Variants in PHTF2 observed in about 807,000 individuals in gnomAD.
The protein encoded by PHTF2 is protein PHTF2.
Under a neutral mutation model 101.2 loss-of-function variants are expected in PHTF2, and 60 were observed. That is an observed-to-expected ratio of 0.59 (90% CI 0.48 to 0.73). PHTF2 has a LOEUF of 0.73. Among genes scored for constraint, PHTF2 ranks in the 30% least tolerant of loss-of-function variants. PHTF2 has a pLI of 0.00. For synonymous variants in PHTF2, 311 were observed against 307.3 expected (o/e 1.01, Z -0.13); for missense variants, 747 against 908.7 (o/e 0.82, Z 2.29).
chr7:77,916,574 A>C (rs941620850), intron 9 of PHTF2, among the ~76,000 whole-genome samples: 2 of 152,090 alleles, frequency 1.3e-5, no homozygotes, highest in African/African-American at 2.4e-5. Flanking sequence ...AAAACAAAAC[A>C]AAACCACAGT....
intron 1 of PHTF2, among the ~76,000 whole-genome samples, chr7:77,799,738 C>T (rs1792383472): frequency 6.6e-6 from 1 of 152,204 alleles, no homozygotes; most frequent in African/African-American, 2.4e-5. Context: ...ATCTGTCACC[C>T]TTCTTATTTT....
intron 3 of PHTF2, among the ~76,000 whole-genome samples, chr7:77,885,163 A>C (rs1454314875): frequency 6.6e-6 from 1 of 152,038 alleles, no homozygotes; most frequent in African/African-American, 2.4e-5. Context: ...GTGCAATCAT[A>C]GCTTACCGTA....
chr7:77,926,197 T>C (rs1803985718), intron 11 of PHTF2, among the ~76,000 whole-genome samples: 1 of 152,238 alleles, frequency 6.6e-6, no homozygotes, highest in South Asian at 2.1e-4. Context: ...GATTAACAAG[T>C]CTGCAACAGA....
rs560900141 is a variant in PHTF2 at position 77,894,871 on chromosome 7, A to G, written c.216+878A>G. Among the ~76,000 whole-genome samples the G allele has an allele frequency of 5.3e-5, 8 of 152,282 alleles. 1 individual carries two copies. In the South Asian group the frequency reaches 1.7e-3, roughly 32 times the overall value. On this transcript the variant is annotated intron_variant, in intron 5 of 19. Coordinates refer to ENST00000416283, the Ensembl canonical transcript of PHTF2. ...AACATGATTGAGGCAGGACTCCCCA[A>G]GGAGTTTGATTTGATAATAGGTTGG...
At chr7:77,899,630 A>G (rs927565853) in intron 5 of PHTF2, among the ~76,000 whole-genome samples, 5 of 152,128 alleles carry the variant, frequency 3.3e-5, no homozygotes, top group Admixed American at 6.5e-5. Flanking sequence ...TTCAGGGCGC[A>G]TTTTTGGTTT....
rs949611615 is a variant in PHTF2, at chr7:77,893,890, AT to A, written c.205-85del. On this transcript the variant is annotated intron_variant, in intron 4 of 19. Transcript: ENST00000416283. ...TTTTAAAATTGAATTTCTAATGACTATTTTTTTGTCAGCTTTTTTCCCCTTT... is the reference window on the plus strand; with the variant it reads ...TTTTAAAATTGAATTTCTAATGACTATTTTTTGTCAGCTTTTTTCCCCTTT... 12 of 950,226 alleles carry A rather than the reference AT, an allele frequency of 1.3e-5. No homozygotes were observed. In the Middle Eastern group the frequency reaches 8.4e-4, roughly 67 times the overall value. The allele number at this position is 950,226 out of a possible 1,614,324, so 58.9% of individuals were successfully genotyped here. A position where few individuals can be genotyped will look rare whatever the true frequency, so the allele number is the denominator to read the frequency against.
intron 3 of PHTF2, among the ~76,000 whole-genome samples, chr7:77,885,060 G>T (rs1799715512): frequency 6.6e-6 from 1 of 152,236 alleles, no homozygotes; most frequent in Admixed American, 6.5e-5. Flanking sequence ...GTCACCAAGG[G>T]CTTGTGCATC....
intron 9 of PHTF2, among the ~76,000 whole-genome samples, chr7:77,916,800 T>C (rs1239252370): frequency 6.6e-6 from 1 of 152,226 alleles, no homozygotes; most frequent in African/African-American, 2.4e-5. Flanking sequence ...ATCATTATTA[T>C]ACTGTATTGC....
chr7:77,954,842 A>ATTTTT lies in PHTF2; in HGVS notation c.2338-9_2338-5dup. The ATTTTT allele has an allele frequency of 8.2e-7, 1 of 1,214,462 alleles. No individual in the cohort carries two copies. Among genetic ancestry groups the ATTTTT allele is most frequent in the Non-Finnish European group, 1.1e-6 (1 of 872,754 alleles). The allele number at this position is 1,214,462 out of a possible 1,614,324, so 75.2% of individuals were successfully genotyped here. On this transcript the variant is annotated splice_polypyrimidine_tract_variant and intron_variant, in intron 19 of 19. Coordinates refer to ENST00000416283, the Ensembl canonical transcript of PHTF2. ...TTAAAACTGGCTTGTCACCACTTCT[A>ATTTTT]TTTTTTTTTTTCTAGCTATGGAAGA...
chr7:77,937,814 A>G (rs1805280866), exon 13 of PHTF2: 1 of 1,540,568 alleles, frequency 6.5e-7, no homozygotes, highest in East Asian at 2.4e-5. Context: ...CTGTACTTGA[A>G]ATCAGTGGAA....
chr7:77,887,109 G>T (rs1046469882), intron 3 of PHTF2, among the ~76,000 whole-genome samples: 1 of 150,342 alleles, frequency 6.7e-6, no homozygotes, highest in Non-Finnish European at 1.5e-5. Flanking sequence ...AAGTGCTGTT[G>T]TCTTTGGTAC....
At chr7:77,872,753 C>A (rs1269516074) in intron 3 of PHTF2, among the ~76,000 whole-genome samples, 1 of 152,092 alleles carries the variant, frequency 6.6e-6, no homozygotes, top group African/African-American at 2.4e-5. Flanking sequence ...TCTTCTGGAC[C>A]CTTCTAGCTG....
At chr7:77,945,311 C>T (rs774997185) in intron 16 of PHTF2, among the ~76,000 whole-genome samples, 4 of 152,134 alleles carry the variant, frequency 2.6e-5, no homozygotes, top group Non-Finnish European at 5.9e-5. Flanking sequence ...GTACTTCAGC[C>T]TGGGCAACAG....
At chr7:77,806,745 T>C (rs1345339235) in intron 1 of PHTF2, among the ~76,000 whole-genome samples, 1 of 152,194 alleles carries the variant, frequency 6.6e-6, no homozygotes, top group Non-Finnish European at 1.5e-5. Flanking sequence ...TTACCTTTTT[T>C]GGATTCTTTG....
At chr7:77,918,327 A>G (rs1803125329) in intron 9 of PHTF2, among the ~76,000 whole-genome samples, 1 of 152,028 alleles carries the variant, frequency 6.6e-6, no homozygotes, top group Non-Finnish European at 1.5e-5. Flanking sequence ...TCAGTTGCCT[A>G]CTAACATTTC....
intron 2 of PHTF2, chr7:77,854,614 A>G: frequency 4.8e-6 from 3 of 628,650 alleles, no homozygotes; most frequent in Non-Finnish European, 8.8e-6. Context: ...TCCAGGAGCC[A>G]GAGCCTGGAG....
At chr7:77,917,558 T>C (rs780480829) in intron 9 of PHTF2, among the ~76,000 whole-genome samples, 1 of 152,238 alleles carries the variant, frequency 6.6e-6, no homozygotes, top group Non-Finnish European at 1.5e-5. Context: ...CTTCTTTTTA[T>C]ATTTATATCT....
At chr7:77,850,216 A>G (rs1393116647) in intron 2 of PHTF2, among the ~76,000 whole-genome samples, 1 of 149,556 alleles carries the variant, frequency 6.7e-6, no homozygotes, top group Admixed American at 6.7e-5. Context: ...AAAAAAATCC[A>G]GGTGTGGTGG....
chr7:77,852,787 C>T (rs1403802391), intron 2 of PHTF2, among the ~76,000 whole-genome samples: 1 of 152,152 alleles, frequency 6.6e-6, no homozygotes, highest in African/African-American at 2.4e-5. Context: ...GATGAAATCT[C>T]TCACCTTTTG....
Sources: allele counts gnomAD v4.1 joint callset (sites outside exome capture counted in the v4.1 genomes callset), GRCh38; gene constraint gnomAD v4.1.1; transcripts MANE v1.5; gene names NCBI Gene and HGNC (gene_info 2026-07-23, HGNC 2026-07-21).